KRT86: variants seen among roughly 807,000 people sequenced by gnomAD.
KRT86 encodes the protein keratin 86, also known as keratin, type II cuticular Hb6.
In KRT86, 30 loss-of-function variants were observed where a neutral mutation model predicts 41.2. That is an observed-to-expected ratio of 0.73 (90% confidence interval 0.54 to 0.99). The LOEUF (loss-of-function observed/expected upper bound fraction) is 0.99. KRT86 is among the 50% of genes least tolerant of loss of function. The pLI, the probability that KRT86 is intolerant of heterozygous loss-of-function variation, is 0.00. For missense variants in KRT86, 561 were observed against 571.4 expected, an observed-to-expected ratio of 0.98 and a Z score of 0.19; for synonymous variants, 238 against 238.1, an observed-to-expected ratio of 1.00 and a Z score of 0.00.
At chr12:52,292,196 G>A (rs923422348) in intron 2 of KRT86, among the ~76,000 whole-genome samples, 3 of 152,112 alleles carry the variant, frequency 2.0e-5, no homozygotes, top group Non-Finnish European at 2.9e-5. Flanking sequence ...TGTTTACCCC[G>A]ATTCAACAGT....
At chr12:52,286,779 C>T (rs1937955162) in intron 2 of KRT86, 1 of 1,613,714 alleles carries the variant, frequency 6.2e-7, no homozygotes, top group East Asian at 2.2e-5. Flanking sequence ...ACACTGGACC[C>T]CAAATACTCA....
Position 52,305,051 on chromosome 12 carries a change from A to C in KRT86, c.735+24A>C, listed in dbSNP as rs141849083. 13,862 of 1,613,200 alleles carry C rather than the reference A, an allele frequency of 8.6e-3. 118 individuals carry two copies. Among genetic ancestry groups the C allele is most frequent in the Middle Eastern group, 0.034 (194 of 5,670 alleles). On this transcript the variant is annotated intron_variant, in intron 6 of 10. Transcript: ENST00000423955. ...AGGTGCGGGCTCAGGGGCCAGGCAGAGACCTGGCAGCCAGCAGAGAGGAGA... is the reference window on the plus strand; with the variant it reads ...AGGTGCGGGCTCAGGGGCCAGGCAGCGACCTGGCAGCCAGCAGAGAGGAGA...
chr12:52,282,514 G>A (rs1030497987), intron 2 of KRT86, among the ~76,000 whole-genome samples: 4 of 152,194 alleles, frequency 2.6e-5, no homozygotes, highest in Non-Finnish European at 4.4e-5. Flanking sequence ...GGGATTACAG[G>A]CGTGAGCCAC....
intron 2 of KRT86, chr12:52,291,639 C>A: frequency 1.1e-6 from 1 of 952,366 alleles, no homozygotes; most frequent in Non-Finnish European, 1.5e-6. Flanking sequence ...GGGTGGTTAG[C>A]CGGGTCTAAC....
intron 2 of KRT86, among the ~76,000 whole-genome samples, chr12:52,281,548 T>C (rs1400402820): frequency 6.6e-6 from 1 of 152,150 alleles, no homozygotes; most frequent in Non-Finnish European, 1.5e-5. Context: ...GGAGTCTAAA[T>C]GCAGTCCTTC....
At chr12:52,300,658 G>A (rs182740252) in intron 2 of KRT86, among the ~76,000 whole-genome samples, 94 of 152,342 alleles carry the variant, frequency 6.2e-4, no homozygotes, top group Non-Finnish European at 9.7e-4. Flanking sequence ...CTGTTCTCTG[G>A]CACCTGCCAA....
intron 2 of KRT86, among the ~76,000 whole-genome samples, chr12:52,296,729 G>A (rs1938260188): frequency 6.6e-6 from 1 of 152,190 alleles, no homozygotes; most frequent in Non-Finnish European, 1.5e-5. Flanking sequence ...AACATCCCAG[G>A]TGTTGTGTAA....
At chr12:52,292,901 C>G (rs997481150) in intron 2 of KRT86, among the ~76,000 whole-genome samples, 2 of 152,162 alleles carry the variant, frequency 1.3e-5, no homozygotes, top group African/African-American at 4.8e-5. Flanking sequence ...CTTTGGGAGT[C>G]TGAGGGGGGT....
chr12:52,301,137 G>GT (rs1423245057), intron 2 of KRT86, among the ~76,000 whole-genome samples: 1 of 151,926 alleles, frequency 6.6e-6, no homozygotes, highest in Admixed American at 6.6e-5. Flanking sequence ...TGAAAGCATT[G>GT]TGTGTGTGAG....
chr12:52,288,395 T>G (rs764253768), intron 2 of KRT86: 1 of 1,614,144 alleles, frequency 6.2e-7, no homozygotes, highest in African/African-American at 1.3e-5. Flanking sequence ...GTCGATCTCC[T>G]GGATCAGGGC....
intron 2 of KRT86, chr12:52,277,557 G>A (rs967359830): frequency 6.6e-6 from 1 of 152,432 alleles, no homozygotes; most frequent in African/African-American, 2.4e-5. Flanking sequence ...TGCAGGAGGA[G>A]GGTGGCTCTG....
At chr12:52,286,307 C>T (rs1036079696) in intron 2 of KRT86, 6 of 1,554,256 alleles carry the variant, frequency 3.9e-6, no homozygotes, top group Non-Finnish European at 5.2e-6. Flanking sequence ...GGAGCTGATA[C>T]CACAGGAGCC....
intron 2 of KRT86, chr12:52,287,860 A>G: frequency 6.2e-7 from 1 of 1,601,908 alleles, no homozygotes. Context: ...CCCCAACCTC[A>G]GATTGGCAGC....
chr12:52,296,714 A>G (rs1215630767), intron 2 of KRT86, among the ~76,000 whole-genome samples: 2 of 152,188 alleles, frequency 1.3e-5, no homozygotes, highest in African/African-American at 4.8e-5. Flanking sequence ...CATTATCAAC[A>G]TCTCAACATC....
chr12:52,308,835 T>A lies in KRT86; in HGVS notation c.*250T>A. 1 of 551,366 alleles carries A rather than the reference T, an allele frequency of 1.8e-6. No individual in the cohort carries two copies. The allele number at this position is 551,366 out of a possible 1,614,324, so 34.2% of individuals were successfully genotyped here. A position where few individuals can be genotyped will look rare whatever the true frequency, so the allele number is the denominator to read the frequency against. ...CAATTTGTTGTCCCGAGGATTCATCTTTTTCTTCCGCCTGCCTTCTGTTTT... is the reference window on the plus strand; with the variant it reads ...CAATTTGTTGTCCCGAGGATTCATCATTTTCTTCCGCCTGCCTTCTGTTTT... On this transcript the variant is annotated 3_prime_UTR_variant, in exon 11 of 11. Transcript: ENST00000423955.
intron 2 of KRT86, among the ~76,000 whole-genome samples, chr12:52,293,417 C>G (rs1359270273): frequency 6.6e-6 from 1 of 152,114 alleles, no homozygotes; most frequent in African/African-American, 2.4e-5. Context: ...TGTGACAACC[C>G]CTTGACTTCC....
chr12:52,282,922 C>T (rs2121210342), intron 2 of KRT86, among the ~76,000 whole-genome samples: 1 of 152,392 alleles, frequency 6.6e-6, no homozygotes, highest in African/African-American at 2.4e-5. Context: ...CGTTTCCACA[C>T]AGGTGCCTGG....
intron 2 of KRT86, chr12:52,287,370 C>A: frequency 6.2e-7 from 1 of 1,607,952 alleles, no homozygotes; most frequent in Non-Finnish European, 8.5e-7. Flanking sequence ...CTGGGTCTCT[C>A]TGATGCTCAT....
rs1942548098 is a variant in KRT86 at position 52,275,856 on chromosome 12, G to A, written c.-95G>A. On this transcript the variant is annotated 5_prime_UTR_variant, in exon 2 of 11. Coordinates refer to ENST00000423955, the MANE Select transcript of KRT86 (RefSeq NM_001320198.2). ...TAAAGGCAACTGTGCAGAAACACAC[G>A]CAGAGCCTGAAGCCCAGCAAGGAGG... 5.1e-6 allele frequency: 5 copies of A among 985,946 alleles called. No homozygotes were observed. Among genetic ancestry groups the A allele is most frequent in the South Asian group, 4.7e-5 (1 of 21,292 alleles). 61.1% of individuals were successfully genotyped at this position (985,946 alleles called of 1,614,324 possible). A position where few individuals can be genotyped will look rare whatever the true frequency, so the allele number is the denominator to read the frequency against.
Sources: gnomAD v4.1 joint callset for allele counts (sites outside exome capture counted in the v4.1 genomes callset) on GRCh38, gnomAD v4.1.1 for gene constraint, MANE v1.5 for transcripts, NCBI Gene and HGNC (gene_info 2026-07-23, HGNC 2026-07-21) for gene names.